Variants in SFI1 observed in about 807,000 individuals in gnomAD.
The protein encoded by SFI1 is protein SFI1 homolog.
Under a neutral mutation model 207.5 loss-of-function variants are expected in SFI1, and 195 were observed. The ratio of observed to expected loss-of-function variants is 0.94; its 90% CI spans 0.84 to 1.06. The LOEUF (loss-of-function observed/expected upper bound fraction) is 1.06. Among genes scored for constraint, SFI1 ranks in the 50% least tolerant of loss-of-function variants. The pLI is 0.00. For missense variants in SFI1, 1,634 were observed against 1,588.0 expected (o/e 1.03, Z -0.49); for synonymous variants, 630 against 598.9 (o/e 1.05, Z -0.76).
chr22:31,573,076 G>A lies in SFI1; in HGVS notation c.784G>A (p.Glu262Lys). The A allele has an allele frequency of 6.2e-7, 1 of 1,607,098 alleles. No individual in the cohort carries two copies. The highest frequency in any genetic ancestry group is 8.5e-7 in the Non-Finnish European group (1 of 1,176,192). ...LQVQAWSQWR[E>K]QLLYVQKEKQ... is the part of the protein sequence containing the mutation. ...TTTTCAGGCTTGGTCACAGTGGCGG[G>A]AACAGCTCCTGTATGTCCAGAAGGA... Residue 262 changes from glutamate (E) to lysine (K), a missense_variant, in exon 9 of 33, where the codon GAA becomes AAA. Physicochemically the swap from Glu to Lys is moderately conservative, Grantham distance 56. Coordinates refer to ENST00000400288, the MANE Select transcript of SFI1 (RefSeq NM_001007467.3).
rs552153565 is a variant in SFI1 at position 31,517,476 on chromosome 22, C to T, written c.92+9100C>T. Among the ~76,000 whole-genome samples, 63 of 152,274 alleles carry T rather than the reference C, an allele frequency of 4.1e-4. 1 individual carries two copies. Among genetic ancestry groups the T allele is most frequent in the Middle Eastern group, 3.4e-3 (1 of 294 alleles). ...CTGCCCAAGCTGGTGTCAAACTCTT[C>T]GGCTCAAGCAATTCGCCTGCCTTGG... On this transcript the variant is annotated intron_variant, in intron 2 of 32. Coordinates refer to ENST00000400288, the MANE Select transcript of SFI1 (RefSeq NM_001007467.3).
Position 31,616,802 on chromosome 22 carries a change from A to G in SFI1, c.3358A>G (p.Ser1120Gly). 5.0e-6 allele frequency: 8 copies of G among 1,611,634 alleles called. No individual in the cohort carries two copies. Among genetic ancestry groups the G allele is most frequent in the Non-Finnish European group, 6.8e-6 (8 of 1,178,768 alleles). ...GCCCCCGGTCCCCTCATCCCTGGCC[A>G]GTGTCCCTGACCCCCATCTACTCCT... ...DKPPVPSSLA[S>G]VPDPHLLLPG... Residue 1120 changes from serine (S) to glycine (G), a missense_variant, in exon 30 of 33, where the codon AGT becomes GGT. Physicochemically the swap from Ser to Gly is moderately conservative, Grantham distance 56. Transcript: ENST00000400288.
At chr22:31,559,910 TGTACCATGGGC>T in intron 7 of SFI1, 1 of 633,194 alleles carries the variant, frequency 1.6e-6, no homozygotes, top group South Asian at 1.5e-5. Flanking sequence ...CCACCATGGC[TGTACCATGGGC>T]GGGTCCAAGA....
Position 31,607,971 on chromosome 22 carries a change from A to C in SFI1, c.2192A>C (p.Gln731Pro), listed in dbSNP as rs2069348394. The C allele has an allele frequency of 6.2e-7, 1 of 1,613,906 alleles. No homozygotes were observed. The change falls in exon 22 of 33, where the codon CAG (glutamine) becomes CCG (proline). Residue 731 changes from glutamine (Q) to proline (P), a missense_variant. Physicochemically the swap from Gln to Pro is moderately conservative, Grantham distance 76. Coordinates refer to ENST00000400288, the MANE Select transcript of SFI1 (RefSeq NM_001007467.3). ...CAGTGGCGGGAAGCTGTGTCAGTGC[A>C]GATGTATTACCGACAGCAGGAGGAC... ...LVQWREAVSVQMYYRQQEDCA... is the reference protein window; with the variant it reads ...LVQWREAVSVPMYYRQQEDCA...
chr22:31,614,160 T>G (rs1249081758), intron 27 of SFI1: 2 of 413,608 alleles, frequency 4.8e-6, no homozygotes, highest in South Asian at 4.7e-5. Context: ...TTTTCCGGAG[T>G]CATACACGTA....
chr22:31,511,573 TCTC>T (rs1240020066), intron 2 of SFI1, among the ~76,000 whole-genome samples: 1 of 150,244 alleles, frequency 6.7e-6, no homozygotes, highest in African/African-American at 2.4e-5. Context: ...TTCAAGCAAT[TCTC>T]CTGCCTCAGC....
At chr22:31,615,430 A>G (rs557484133) in intron 29 of SFI1, 151 bp downstream of exon 29, 3 of 647,924 alleles carry the variant, frequency 4.6e-6, no homozygotes, top group Non-Finnish European at 7.2e-6. Flanking sequence ...GCCACTGCAC[A>G]CCAGGTCCAA....
intron 11 of SFI1, among the ~76,000 whole-genome samples, 175 bp downstream of exon 11, chr22:31,578,627 C>G (rs2063769339): frequency 6.6e-6 from 1 of 152,134 alleles, no homozygotes; most frequent in African/African-American, 2.4e-5. Context: ...ATTACAGGTG[C>G]TAATGTTGTA....
At chr22:31,523,651 C>G (rs1180106558) in intron 2 of SFI1, among the ~76,000 whole-genome samples, 2 of 151,840 alleles carry the variant, frequency 1.3e-5, no homozygotes, top group African/African-American at 4.8e-5. Flanking sequence ...TAGGAAAAAT[C>G]AAGTGATTTG....
rs78295829 is a variant in SFI1, at chr22:31,575,365, C to T, written c.1057C>T (p.Arg353Trp). ...GAAACTGGCCAGGAAGATGGCCCTG[C>T]GGCGCGCCTTTACTCACTGGAAACA... ...VEKLARKMAL[R>W]RAFTHWKHYM... Residue 353 changes from arginine to tryptophan, a missense_variant, in exon 10 of 33, where the codon CGG becomes TGG. By Grantham distance (101) the Arg-to-Trp change is moderately radical. Transcript: ENST00000400288. 28,615 of 1,610,956 alleles carry T rather than the reference C, an allele frequency of 0.018. 298 individuals are homozygous for T. The highest frequency in any genetic ancestry group is 0.023 in the South Asian group (2,112 of 90,264).
chr22:31,601,917 C>T (rs1034535881), intron 15 of SFI1, among the ~76,000 whole-genome samples: 23 of 150,904 alleles, frequency 1.5e-4, no homozygotes, highest in Admixed American at 1.3e-3. Flanking sequence ...CTCAGCCTCC[C>T]AGGTAGTTGG....
At chr22:31,530,489 C>CAA (rs3069094) in intron 3 of SFI1, 1,711 of 113,100 alleles carry the variant, frequency 0.015, 43 homozygotes, top group South Asian at 0.029. Context: ...AACTCTGTCT[C>CAA]AAAAAAAAAA....
chr22:31,556,890 G>A (rs779593096), intron 6 of SFI1, 52 bp from the exon 7 acceptor site: 27 of 1,267,568 alleles, frequency 2.1e-5, no homozygotes, highest in Admixed American at 2.0e-4. Context: ...TCATAACCCA[G>A]AGTAATCCAT....
chr22:31,618,224 C>G lies in SFI1; in HGVS notation c.3622C>G (p.Gln1208Glu). The G allele has an allele frequency of 3.8e-6, 6 of 1,595,762 alleles. No homozygotes were observed. The highest frequency in any genetic ancestry group is 4.3e-6 in the Non-Finnish European group (5 of 1,172,728). ...VEQQVQKELEQVEMQIQLLAE... is the reference protein window; with the variant it reads ...VEQQVQKELEEVEMQIQLLAE... ...GCAGCAGGTGCAGAAAGAGCTGGAA[C>G]AGGTGAGGCCCCAGGCCATCCCCAG... Residue 1208 changes from glutamine to glutamate, a missense_variant and splice_region_variant, in exon 32 of 33, where the codon CAG becomes GAG. Coordinates refer to ENST00000400288, the MANE Select transcript of SFI1 (RefSeq NM_001007467.3).
chr22:31,544,974 A>G (rs781487385), intron 4 of SFI1, among the ~76,000 whole-genome samples: 5 of 152,066 alleles, frequency 3.3e-5, no homozygotes, highest in South Asian at 2.1e-4. Context: ...TTCACGGCTC[A>G]CTACAGCCTT....
At position 31,613,538 on chromosome 22, in the gene SFI1, C is replaced by T. The variant is rs2070770300; in HGVS notation, c.2742+8C>T. 6.3e-7 allele frequency: 1 copy of T among 1,583,944 alleles called. No homozygotes were observed. The highest frequency in any genetic ancestry group is 1.3e-5 in the African/African-American group (1 of 74,608). On this transcript the variant is annotated splice_region_variant and intron_variant, in intron 26 of 32. Transcript: ENST00000400288. ...GCCCAGCAGCAGGTCCAGGTAGGCC[C>T]AGGGCCCCTTCCTGTGGGGAGCAGG... is the stretch of plus-strand genomic sequence containing the variant.
At chr22:31,498,642 C>T (rs2053170676) in intron 1 of SFI1, among the ~76,000 whole-genome samples, 1 of 115,880 alleles carries the variant, frequency 8.6e-6, no homozygotes, top group Non-Finnish European at 1.9e-5. Context: ...CAGAGCAAGA[C>T]TCCGTCTAAA....
chr22:31,616,986 TTC>T lies in SFI1; in HGVS notation c.3434-12_3434-11del. The T allele has an allele frequency of 1.2e-6, 2 of 1,614,048 alleles. No individual in the cohort carries two copies. The highest frequency in any genetic ancestry group is 1.1e-5 in the South Asian group (1 of 91,082). ...GGAAAATAGTCTGAAACAAGCTTAC[TTC>T]TGTCGCCATAGGCAGCCTGGACCTT... On this transcript the variant is annotated splice_polypyrimidine_tract_variant and intron_variant, in intron 30 of 32. Coordinates refer to ENST00000400288, the MANE Select transcript of SFI1 (RefSeq NM_001007467.3).
chr22:31,587,873 A>G (rs2065250588), intron 14 of SFI1: 1 of 152,264 alleles, frequency 6.6e-6, no homozygotes, highest in African/African-American at 2.4e-5. Context: ...AAAGATATAA[A>G]GAAGAAAAAA....
Sources: allele counts gnomAD v4.1 joint callset (sites outside exome capture counted in the v4.1 genomes callset), GRCh38; gene constraint gnomAD v4.1.1; transcripts MANE v1.5; gene names NCBI Gene and HGNC (gene_info 2026-07-23, HGNC 2026-07-21).